MTSS1: variants seen among roughly 807,000 people sequenced by gnomAD.
The protein encoded by MTSS1 is protein MTSS 1.
MTSS1 carries 18 observed loss-of-function variants against 79.0 expected under a neutral mutation model. That is an observed-to-expected ratio of 0.23 (90% CI 0.16 to 0.34). The LOEUF (loss-of-function observed/expected upper bound fraction) is 0.34. MTSS1 is among the 10% of genes least tolerant of loss of function. The probability of loss-of-function intolerance (pLI) is 1.00; values close to 1 mark genes in which losing one functional copy is unlikely to be tolerated. For missense variants in MTSS1, 815 were observed against 986.2 expected, an observed-to-expected ratio of 0.83 and a Z score of 2.33; for synonymous variants, 341 against 368.6, an observed-to-expected ratio of 0.93 and a Z score of 0.86.
intron 10 of MTSS1, among the ~76,000 whole-genome samples, chr8:124,559,229 C>G (rs1174164752): frequency 6.6e-6 from 1 of 152,266 alleles, no homozygotes; most frequent in East Asian, 1.9e-4. Flanking sequence ...GGCCCAGGTC[C>G]CCAGGGAGGC....
intron 3 of MTSS1, among the ~76,000 whole-genome samples, chr8:124,623,575 T>G (rs980693766): frequency 2.0e-5 from 3 of 152,232 alleles, no homozygotes; most frequent in Admixed American, 6.5e-5. Context: ...TTTAAGCATT[T>G]GGCCTAAAAA....
In MTSS1 at chr8:124,727,978, G is replaced by A. The variant is rs753207528; in HGVS notation, c.-23C>T. ...CATTTTCCCGGCTCCGGCAGGGCGAGGGCACACACGCGGGGCCGCTGGACT... is the reference window on the plus strand; with the variant it reads ...CATTTTCCCGGCTCCGGCAGGGCGAAGGCACACACGCGGGGCCGCTGGACT... On this transcript the variant is annotated 5_prime_UTR_variant, in exon 1 of 14. Coordinates refer to ENST00000518547, the MANE Select transcript of MTSS1 (RefSeq NM_014751.6). The surrounding 1 kb of genome is among the most constrained non-coding windows in gnomAD (Gnocchi z 4.7). 3.1e-6 allele frequency: 5 copies of A among 1,605,288 alleles called. No individual in the cohort carries two copies. Among genetic ancestry groups the A allele is most frequent in the Non-Finnish European group, 2.6e-6 (3 of 1,176,054 alleles).
intron 13 of MTSS1, 88 bp downstream of exon 13, chr8:124,555,654 G>A: frequency 7.2e-7 from 1 of 1,394,066 alleles, no homozygotes; most frequent in Admixed American, 2.7e-5. Flanking sequence ...CGAGTGGTGG[G>A]TTGTGGTTAA....
intron 3 of MTSS1, among the ~76,000 whole-genome samples, chr8:124,693,695 T>A (rs1828327474): frequency 1.3e-5 from 2 of 152,186 alleles, no homozygotes; most frequent in Non-Finnish European, 2.9e-5. Flanking sequence ...AGAGGGGACC[T>A]CAACCCAAAT....
chr8:124,671,078 C>T (rs1824098101), intron 3 of MTSS1, among the ~76,000 whole-genome samples: 1 of 151,602 alleles, frequency 6.6e-6, no homozygotes, highest in South Asian at 2.1e-4. Context: ...CCTTTGCATG[C>T]CAATGCCAAT....
chr8:124,573,399 C>G (rs1258833112), intron 6 of MTSS1, among the ~76,000 whole-genome samples: 1 of 152,248 alleles, frequency 6.6e-6, no homozygotes, highest in Non-Finnish European at 1.5e-5. Flanking sequence ...TATACTTATT[C>G]ACAGCACTAC....
intron 3 of MTSS1, among the ~76,000 whole-genome samples, chr8:124,602,207 A>ACACACACACACACACAT: frequency 7.0e-6 from 1 of 142,216 alleles, no homozygotes. Flanking sequence ...ATATATATAT[A>ACACACACACACACACAT]ATTTTTTTTT....
At chr8:124,609,713 TGGA>T (rs1835460005) in intron 3 of MTSS1, among the ~76,000 whole-genome samples, 1 of 152,188 alleles carries the variant, frequency 6.6e-6, no homozygotes, top group Admixed American at 6.5e-5. Context: ...GCGACCACCT[TGGA>T]GGAACAACTA....
chr8:124,677,471 T>G (rs953590760), intron 3 of MTSS1, among the ~76,000 whole-genome samples: 20 of 152,234 alleles, frequency 1.3e-4, no homozygotes, highest in African/African-American at 4.3e-4. Flanking sequence ...TGTGTTCCCA[T>G]AAAACTTTAG....
intron 10 of MTSS1, 170 bp from the exon 11 acceptor site, chr8:124,558,045 A>G: frequency 1.7e-6 from 1 of 585,032 alleles, no homozygotes; most frequent in Non-Finnish European, 2.9e-6. Context: ...TGCAAGAGAA[A>G]AGAGCCGGGG....
chr8:124,656,300 T>TC (rs1401576315), intron 3 of MTSS1, among the ~76,000 whole-genome samples: 3 of 152,080 alleles, frequency 2.0e-5, no homozygotes, highest in African/African-American at 7.2e-5. Flanking sequence ...GGAGGACAGG[T>TC]GTAGAGCTAG....
chr8:124,584,266 C>T (rs1156660619), intron 6 of MTSS1, among the ~76,000 whole-genome samples: 3 of 152,166 alleles, frequency 2.0e-5, no homozygotes, highest in Non-Finnish European at 4.4e-5. Context: ...ATGGTAAACA[C>T]CACCCACAGA....
At position 124,722,457 on chromosome 8, in the gene MTSS1, T is replaced by G. The variant is rs546974371; in HGVS notation, c.72+5427A>C. On this transcript the variant is annotated intron_variant, in intron 1 of 13. Coordinates refer to ENST00000518547, the MANE Select transcript of MTSS1 (RefSeq NM_014751.6). ...TGCACTGGGAATTGCTACTTTTAAG[T>G]TTTTGGTTGTTCGGTTGTTTCTGAT... 3.3e-5 allele frequency among the ~76,000 whole-genome samples: 5 copies of G among 152,288 alleles called. No homozygotes were observed. In the East Asian group the frequency reaches 5.8e-4, roughly 18 times the overall value.
At chr8:124,722,573 T>C (rs1833110858) in intron 1 of MTSS1, among the ~76,000 whole-genome samples, 1 of 152,240 alleles carries the variant, frequency 6.6e-6, no homozygotes, top group Non-Finnish European at 1.5e-5. Flanking sequence ...GCTTCCTTAA[T>C]GCTCAGCCAA....
Position 124,551,038 on chromosome 8 carries a change from AC to A in MTSS1, c.*1953del, listed in dbSNP as rs1291860785. ...GCAGAACTACCCAAGGTGTGTTGTC[AC>A]ATTCTTTCTACATTGAATTTGGCAA... is the stretch of plus-strand genomic sequence containing the variant. On this transcript the variant is annotated 3_prime_UTR_variant, in exon 14 of 14. Coordinates refer to ENST00000518547, the MANE Select transcript of MTSS1 (RefSeq NM_014751.6). The A allele has an allele frequency of 1.3e-5, 2 of 152,654 alleles. No homozygotes were observed. Among genetic ancestry groups the A allele is most frequent in the African/African-American group, 4.8e-5 (2 of 41,462 alleles). The allele number at this position is 152,654 out of a possible 1,614,324, so 9.5% of individuals were successfully genotyped here.
At chr8:124,726,095 G>A (rs1423589673) in intron 1 of MTSS1, among the ~76,000 whole-genome samples, 1 of 152,180 alleles carries the variant, frequency 6.6e-6, no homozygotes, top group African/African-American at 2.4e-5. Flanking sequence ...GCCGTGACTG[G>A]GCATTAAAGA....
intron 3 of MTSS1, among the ~76,000 whole-genome samples, chr8:124,688,792 T>C (rs1030215424): frequency 1.3e-5 from 2 of 152,178 alleles, no homozygotes; most frequent in African/African-American, 2.4e-5. Flanking sequence ...AGGTGGTTTT[T>C]AAGGGAAATC....
chr8:124,727,146 A>C lies in MTSS1; in HGVS notation c.72+738T>G, dbSNP rs1431652296. On this transcript the variant is annotated intron_variant, in intron 1 of 13. Transcript: ENST00000518547. This position sits in a 1 kb window ranked among gnomAD's most constrained non-coding sequence, Gnocchi z 4.7. Reference sequence around the variant, plus strand: ...CACACACCATCTTCACAACCCTTCCAAGAGAAAACCTAGAGTGTGTGTCCG... The same window carrying C: ...CACACACCATCTTCACAACCCTTCCCAGAGAAAACCTAGAGTGTGTGTCCG... Among the ~76,000 whole-genome samples, 1 of 151,976 alleles carries C rather than the reference A, an allele frequency of 6.6e-6. No individual in the cohort carries two copies. The highest frequency in any genetic ancestry group is 1.5e-5 in the Non-Finnish European group (1 of 67,938).
chr8:124,585,116 G>A lies in MTSS1; in HGVS notation c.431C>T (p.Thr144Met), dbSNP rs1388964372. 18 of 1,613,498 alleles carry A rather than the reference G, an allele frequency of 1.1e-5. No homozygotes were observed. The highest frequency in any genetic ancestry group is 1.4e-5 in the Non-Finnish European group (17 of 1,179,842). ...RQEIKKKSSD[T>M]LKLQKKAKKG... ...TTTTGCTTTCTTCTGCAGTTTCAGC[G>A]TATCCGAGGACTTCTTTTTTATCTC... The change falls in exon 6 of 14, where the codon ACG becomes ATG. Residue 144 changes from threonine to methionine, a missense_variant. Physicochemically the swap from Thr to Met is moderately conservative, Grantham distance 81. Around this residue, in one of 2 missense-constraint regions of MTSS1, gnomAD observed 225 missense variants for 365.4 expected, o/e 0.62. Transcript: ENST00000518547.
Sources: gnomAD v4.1 joint callset for allele counts (sites outside exome capture counted in the v4.1 genomes callset) on GRCh38, gnomAD v4.1.1 for gene constraint, gnomAD v4.1.1 regional missense constraint, Gnocchi (gnomAD v3.1) non-coding constraint, MANE v1.5 for transcripts, NCBI Gene and HGNC (gene_info 2026-07-23, HGNC 2026-07-21) for gene names.